The following RTN4 variants were observed in gnomAD, a reference collection of about 807,000 sequenced individuals.
RTN4 encodes reticulon-4.
Under a neutral mutation model 90.4 loss-of-function variants are expected in RTN4, and 32 were observed. That is an observed-to-expected ratio of 0.35 (90% CI 0.27 to 0.48). The LOEUF is 0.48. Ranked by LOEUF, RTN4 falls within the 20% of genes least tolerant of loss-of-function variation. The pLI is 0.99. For synonymous variants in RTN4, 629 were observed against 552.5 expected, an observed-to-expected ratio of 1.14 and a Z score of -1.94; for missense variants, 1,706 against 1,430.2, an observed-to-expected ratio of 1.19 and a Z score of -3.11.
intron 4 of RTN4, among the ~76,000 whole-genome samples, chr2:54,983,690 T>C (rs1456916926): frequency 6.6e-6 from 1 of 152,192 alleles, no homozygotes; most frequent in Non-Finnish European, 1.5e-5. Flanking sequence ...TCCAAACCAA[T>C]CTCTGATCTG....
At chr2:55,030,437 T>C (rs982076249) in intron 1 of RTN4, among the ~76,000 whole-genome samples, 2 of 152,194 alleles carry the variant, frequency 1.3e-5, no homozygotes, top group Non-Finnish European at 2.9e-5. Context: ...TTAACTATCT[T>C]CTGGGACTTC....
chr2:55,033,368 A>G (rs1264088929), intron 1 of RTN4, among the ~76,000 whole-genome samples: 1 of 152,204 alleles, frequency 6.6e-6, no homozygotes, highest in East Asian at 1.9e-4. Flanking sequence ...TTATTCATGG[A>G]TTCCTTATTT....
At chr2:55,035,694 A>G (rs564934929) in intron 1 of RTN4, among the ~76,000 whole-genome samples, 1 of 152,298 alleles carries the variant, frequency 6.6e-6, no homozygotes, top group Admixed American at 6.5e-5. Context: ...AATCAACTAA[A>G]ATGATCAAGA....
chr2:55,065,338 T>A (rs879757144), intron 2 of RTN4, among the ~76,000 whole-genome samples: 5 of 152,232 alleles, frequency 3.3e-5, no homozygotes, highest in Non-Finnish European at 7.3e-5. Context: ...TGCTATTTGC[T>A]AGTGTGATGA....
At chr2:55,065,209 T>C (rs1346807145) in intron 2 of RTN4, among the ~76,000 whole-genome samples, 1 of 152,226 alleles carries the variant, frequency 6.6e-6, no homozygotes, top group African/African-American at 2.4e-5. Flanking sequence ...CTTACATAAA[T>C]AGCATTTTAC....
At chr2:55,047,839 C>A (rs776828737) in intron 1 of RTN4, among the ~76,000 whole-genome samples, 3 of 152,222 alleles carry the variant, frequency 2.0e-5, no homozygotes, top group Non-Finnish European at 4.4e-5. Flanking sequence ...GGCAATAAAA[C>A]AACGTGACTA....
Position 55,026,259 on chromosome 2 carries a change from T to C in RTN4, c.1840A>G (p.Ile614Val). 2.5e-6 allele frequency: 4 copies of C among 1,613,880 alleles called. No individual in the cohort carries two copies. Among genetic ancestry groups the C allele is most frequent in the South Asian group, 1.1e-5 (1 of 91,072 alleles). ...GAATTCAATGGTGCTTCCATAACAA[T>C]GTCAGGCAAAACTGGTGAAGGAGTA... ...EATPSPVLPD[I>V]VMEAPLNSAV... The change falls in exon 3 of 9, where the codon ATT (isoleucine) becomes GTT (valine). Residue 614 changes from isoleucine to valine, a missense_variant. Ile to Val is a conservative substitution (Grantham distance 29). Coordinates refer to ENST00000337526, the MANE Select transcript of RTN4 (RefSeq NM_020532.5).
chr2:55,068,990 T>C (rs977093312), intron 2 of RTN4, among the ~76,000 whole-genome samples: 8 of 152,238 alleles, frequency 5.3e-5, no homozygotes, highest in African/African-American at 9.7e-5. Flanking sequence ...CACCCAAAGT[T>C]CGCATCACCA....
At chr2:55,063,214 T>C (rs147446385) in intron 2 of RTN4, among the ~76,000 whole-genome samples, 1 of 152,334 alleles carries the variant, frequency 6.6e-6, no homozygotes, top group Non-Finnish European at 1.5e-5. Context: ...TTTGGTAAAT[T>C]ATATTTTAAA....
chr2:55,011,855 G>A (rs1442638779), intron 3 of RTN4, among the ~76,000 whole-genome samples: 1 of 152,162 alleles, frequency 6.6e-6, no homozygotes, highest in Non-Finnish European at 1.5e-5. Context: ...AAAGAGCCCA[G>A]TATTCTCAGC....
At chr2:54,977,243 G>C (rs1257856608) in intron 5 of RTN4, among the ~76,000 whole-genome samples, 3 of 152,160 alleles carry the variant, frequency 2.0e-5, no homozygotes, top group East Asian at 3.8e-4. Flanking sequence ...TTAGTTGGTA[G>C]TTTGGACTCT....
chr2:55,013,849 G>A (rs945790191), intron 3 of RTN4, among the ~76,000 whole-genome samples: 1 of 152,118 alleles, frequency 6.6e-6, no homozygotes. Context: ...AGATGCAAGG[G>A]AAAGAGGGTG....
chr2:55,010,449 A>C (rs1297211975), intron 3 of RTN4: 2 of 834,490 alleles, frequency 2.4e-6, no homozygotes, highest in Non-Finnish European at 3.1e-6. Flanking sequence ...CTACCAAAAG[A>C]AAGGAAATAA....
rs543099149 is a variant in RTN4, at chr2:55,009,883, A to G, written c.3013+15203T>C. Among the ~76,000 whole-genome samples, 7 of 152,058 alleles carry G rather than the reference A, an allele frequency of 4.6e-5. No homozygotes were observed. In the South Asian group the frequency reaches 1.4e-3, roughly 31 times the overall value. ...GGCAGGACTGAAAAGACTAAACCGA[A>G]TGCCAGTGAAACAGAACAGCATGAC... On this transcript the variant is annotated intron_variant, in intron 3 of 8. Coordinates refer to ENST00000337526, the MANE Select transcript of RTN4 (RefSeq NM_020532.5).
rs199541230 is a variant in RTN4, at chr2:55,026,218, A to C, written c.1881T>G (p.Ala627=). ...EAPLNSAVPS[A]GASVIQPSSS... is the part of the protein sequence containing the mutation. ...AGCTGGGCTGTATCACGGAAGCACC[A>C]GCACTAGGAACTGCAGAATTCAATG... The change falls in exon 3 of 9, where the codon GCT becomes GCG. Residue 627 remains alanine, a synonymous_variant. Coordinates refer to ENST00000337526, the MANE Select transcript of RTN4 (RefSeq NM_020532.5). 6.2e-7 allele frequency: 1 copy of C among 1,613,820 alleles called. No individual in the cohort carries two copies. Among genetic ancestry groups the C allele is most frequent in the East Asian group, 2.2e-5 (1 of 44,876 alleles).
chr2:54,976,835 T>G (rs911161092), intron 5 of RTN4, among the ~76,000 whole-genome samples: 1 of 152,236 alleles, frequency 6.6e-6, no homozygotes, highest in African/African-American at 2.4e-5. Context: ...CACGATTCCA[T>G]GGCAAATACT....
intron 2 of RTN4, among the ~76,000 whole-genome samples, chr2:55,058,881 T>C (rs1668238757): frequency 6.6e-6 from 1 of 152,024 alleles, no homozygotes; most frequent in Non-Finnish European, 1.5e-5. Flanking sequence ...TTTTTTAAAT[T>C]ATAATAATAG....
intron 2 of RTN4, among the ~76,000 whole-genome samples, chr2:55,079,352 G>A (rs571092616): frequency 1.3e-5 from 2 of 152,130 alleles, no homozygotes; most frequent in Non-Finnish European, 2.9e-5. Context: ...AGGACAGACT[G>A]GGCTTTGTTA....
chr2:55,115,748 C>T (rs1011667002), upstream of RTN4, among the ~76,000 whole-genome samples: 2 of 152,188 alleles, frequency 1.3e-5, no homozygotes, highest in African/African-American at 4.8e-5. Flanking sequence ...ATTGCTTCTC[C>T]TCTTACCACA....
Sources: gnomAD v4.1 joint callset for allele counts (sites outside exome capture counted in the v4.1 genomes callset) on GRCh38, gnomAD v4.1.1 for gene constraint, MANE v1.5 for transcripts, NCBI Gene and HGNC (gene_info 2026-07-23, HGNC 2026-07-21) for gene names.